SGCD: variants seen among roughly 807,000 people sequenced by gnomAD.
SGCD encodes sarcoglycan delta, also known as delta-sarcoglycan.
Under a neutral mutation model 36.6 loss-of-function variants are expected in SGCD, and 18 were observed. That is an observed-to-expected ratio of 0.49 (90% CI 0.34 to 0.73). The LOEUF (loss-of-function observed/expected upper bound fraction) is 0.73. Ranked by LOEUF, SGCD falls within the 30% of genes least tolerant of loss-of-function variation. The pLI is 0.01. For synonymous variants in SGCD, 133 were observed against 130.6 expected, an observed-to-expected ratio of 1.02 and a Z score of -0.12; for missense variants, 387 against 346.7, an observed-to-expected ratio of 1.12 and a Z score of -0.92.
intron 6 of SGCD, among the ~76,000 whole-genome samples, chr5:156,640,789 A>G (rs1456724817): frequency 6.6e-6 from 1 of 152,218 alleles, no homozygotes; most frequent in African/African-American, 2.4e-5. Context: ...ATTCCTAAAA[A>G]GAAAATATTT....
chr5:156,054,504 C>T (rs1760010525), intron 1 of SGCD, among the ~76,000 whole-genome samples: 1 of 145,804 alleles, frequency 6.9e-6, no homozygotes, highest in African/African-American at 2.5e-5. Flanking sequence ...CCAGGATGGT[C>T]TCAATCTCCT....
At chr5:156,630,823 C>G (rs1171598142) in intron 6 of SGCD, among the ~76,000 whole-genome samples, 1 of 151,964 alleles carries the variant, frequency 6.6e-6, no homozygotes, top group Non-Finnish European at 1.5e-5. Context: ...TGGCTCTGGA[C>G]GAATTGGGAG....
rs191262887 is a variant in SGCD at position 156,358,105 on chromosome 5, C to G, written c.192+13428C>G. On this transcript the variant is annotated intron_variant, in intron 3 of 8. Coordinates refer to ENST00000337851, the MANE Select transcript of SGCD (RefSeq NM_000337.6). ...CTGCCATGTTAAGTAACCATGTTTT[C>G]TCTCTTTCTCTCATAATCTCTTAAT... Among the ~76,000 whole-genome samples the G allele has an allele frequency of 1.3e-3, 199 of 152,268 alleles. 1 individual carries two copies. Among genetic ancestry groups the G allele is most frequent in the Middle Eastern group, 6.8e-3 (2 of 294 alleles).
chr5:156,070,302 C>A (rs1358681478), intron 1 of SGCD, among the ~76,000 whole-genome samples: 2 of 152,048 alleles, frequency 1.3e-5, no homozygotes, highest in African/African-American at 4.8e-5. Context: ...TGAGATACGT[C>A]CCATCAATGC....
At chr5:155,818,881 T>A in the SGCD span, among the ~76,000 whole-genome samples, 87 of 151,494 alleles carry the variant, frequency 5.7e-4, no homozygotes, top group African/African-American at 2.0e-3. Context: ...CACTTCCAAC[T>A]TTTTTTTTGA....
At chr5:156,374,353 C>T (rs1364313703) in intron 3 of SGCD, among the ~76,000 whole-genome samples, 5 of 152,094 alleles carry the variant, frequency 3.3e-5, no homozygotes, top group Non-Finnish European at 7.4e-5. Flanking sequence ...GAAAGTAACA[C>T]GTGACCAACT....
the SGCD span, among the ~76,000 whole-genome samples, chr5:155,807,434 C>T: frequency 6.6e-6 from 1 of 152,220 alleles, no homozygotes; most frequent in Non-Finnish European, 1.5e-5. Context: ...GTTTTAATTC[C>T]TCCAGTGCTC....
chr5:155,818,239 G>C, the SGCD span, among the ~76,000 whole-genome samples: 537 of 152,214 alleles, frequency 3.5e-3, 4 homozygotes, highest in African/African-American at 0.012. Flanking sequence ...TACTTTATTG[G>C]GGTGGGGGGC....
At chr5:156,602,103 G>T (rs760135910) in intron 6 of SGCD, among the ~76,000 whole-genome samples, 40 of 152,162 alleles carry the variant, frequency 2.6e-4, no homozygotes, top group Non-Finnish European at 8.8e-5. Context: ...TCACTTATTT[G>T]TGTCCTCTTC....
At chr5:156,727,485 G>A (rs1175814614) in intron 7 of SGCD, among the ~76,000 whole-genome samples, 2 of 152,186 alleles carry the variant, frequency 1.3e-5, no homozygotes, top group Admixed American at 6.5e-5. Flanking sequence ...CTACCTTCTG[G>A]TCAATTGTTA....
chr5:156,202,532 G>A (rs926685098), intron 3 of SGCD, among the ~76,000 whole-genome samples: 1 of 152,030 alleles, frequency 6.6e-6, no homozygotes, highest in Admixed American at 6.6e-5. Flanking sequence ...AGAAACTAAG[G>A]CCATAGAGAA....
chr5:156,008,062 G>A (rs1300826837), intron 1 of SGCD, among the ~76,000 whole-genome samples: 1 of 152,042 alleles, frequency 6.6e-6, no homozygotes, highest in African/African-American at 2.4e-5. Flanking sequence ...GTTCTCAGAT[G>A]TTCTTTGAGT....
At chr5:156,288,041 T>A (rs1229306838) in intron 3 of SGCD, among the ~76,000 whole-genome samples, 1 of 152,192 alleles carries the variant, frequency 6.6e-6, no homozygotes, top group Non-Finnish European at 1.5e-5. Context: ...CTATGAGGAC[T>A]AAGAGAACCT....
the SGCD span, among the ~76,000 whole-genome samples, chr5:155,852,204 A>G: frequency 9.2e-5 from 14 of 152,140 alleles, no homozygotes; most frequent in African/African-American, 3.1e-4. Context: ...AAATAACCCT[A>G]TCACTTTCCA....
intron 4 of SGCD, among the ~76,000 whole-genome samples, chr5:156,534,087 G>T (rs1303436954): frequency 6.6e-6 from 1 of 152,040 alleles, no homozygotes; most frequent in Non-Finnish European, 1.5e-5. Context: ...TGGCAGCCTA[G>T]GGAATAACTA....
chr5:156,511,302 G>T (rs937516911), intron 4 of SGCD, among the ~76,000 whole-genome samples: 3 of 152,122 alleles, frequency 2.0e-5, no homozygotes, highest in African/African-American at 7.2e-5. Context: ...TGAAACCTGT[G>T]CCCAAATTCA....
chr5:156,063,463 C>T (rs1342189560), intron 1 of SGCD, among the ~76,000 whole-genome samples: 1 of 126,408 alleles, frequency 7.9e-6, no homozygotes, highest in Non-Finnish European at 1.6e-5. Context: ...TTTTCCAATT[C>T]TGTGAAGAAA....
the SGCD span, among the ~76,000 whole-genome samples, chr5:155,783,689 G>A: frequency 6.6e-6 from 1 of 152,126 alleles, no homozygotes; most frequent in Non-Finnish European, 1.5e-5. Context: ...TGTTCACTTT[G>A]GAATTAATTT....
chr5:156,695,520 GATAGA>G (rs1754282479), intron 7 of SGCD, among the ~76,000 whole-genome samples: 1 of 4,790 alleles, frequency 2.1e-4, no homozygotes, highest in East Asian at 7.5e-3. Flanking sequence ...TGGATAGATA[GATAGA>G]TAGATAGATA....
Sources: allele counts gnomAD v4.1 joint callset (sites outside exome capture counted in the v4.1 genomes callset), GRCh38; gene constraint gnomAD v4.1.1; transcripts MANE v1.5; gene names NCBI Gene and HGNC (gene_info 2026-07-23, HGNC 2026-07-21).